Variants in WWP2 observed in about 807,000 individuals in gnomAD.
The protein encoded by WWP2 is NEDD4-like E3 ubiquitin-protein ligase WWP2.
A neutral mutation model predicts 121.0 loss-of-function variants in WWP2; 57 were observed. The observed-to-expected ratio is 0.47, with a 90% CI of 0.38 to 0.59. The LOEUF is 0.59. Ranked by LOEUF, WWP2 falls within the 20% of genes least tolerant of loss-of-function variation. The probability of loss-of-function intolerance (pLI) is 0.00; values close to 1 mark genes in which losing one functional copy is unlikely to be tolerated. For synonymous variants in WWP2, 449 were observed against 441.3 expected (o/e 1.02, Z -0.22); for missense variants, 962 against 1,158.9 (o/e 0.83, Z 2.47).
chr16:69,937,306 C>T lies in WWP2; in HGVS notation c.2238+68C>T, dbSNP rs952571659. ...GGGCGATCCTGCTCTGTGATACGCTCACTGTGTACCCACAGACACTCAGCG... is the reference window on the plus strand; with the variant it reads ...GGGCGATCCTGCTCTGTGATACGCTTACTGTGTACCCACAGACACTCAGCG... On this transcript the variant is annotated intron_variant, in intron 20 of 23. Transcript: ENST00000359154. This position sits in a 1 kb window ranked among gnomAD's most constrained non-coding sequence, Gnocchi z 6.6. 2 of 1,586,046 alleles carry T rather than the reference C, an allele frequency of 1.3e-6. No individual in the cohort carries two copies. The highest frequency in any genetic ancestry group is 1.3e-5 in the African/African-American group (1 of 74,228).
At chr16:69,861,046 G>A (rs2057408221) in intron 6 of WWP2, among the ~76,000 whole-genome samples, 1 of 152,164 alleles carries the variant, frequency 6.6e-6, no homozygotes, top group Non-Finnish European at 1.5e-5. Flanking sequence ...ATTCCTTGGG[G>A]GCCAGCCCCA....
In WWP2 at chr16:69,887,950, A is replaced by T; in HGVS notation, c.704-89A>T. 2.7e-6 allele frequency: 4 copies of T among 1,481,034 alleles called. No individual in the cohort carries two copies. The East Asian group carries it at 9.1e-5, about 34-fold the overall frequency. 91.7% of individuals were successfully genotyped at this position (1,481,034 alleles called of 1,614,324 possible). On this transcript the variant is annotated intron_variant, in intron 7 of 23. Coordinates refer to ENST00000359154, the MANE Select transcript of WWP2 (RefSeq NM_001270454.2). ...CATGTAGTGTAACATTGTAGATACCATGTTAGCCTATTAAGTGAAAAACCT... is the reference window on the plus strand; with the variant it reads ...CATGTAGTGTAACATTGTAGATACCTTGTTAGCCTATTAAGTGAAAAACCT...
intron 1 of WWP2, chr16:69,782,887 T>C (rs2151787717): frequency 6.6e-6 from 1 of 152,282 alleles, no homozygotes; most frequent in Non-Finnish European, 1.5e-5. Flanking sequence ...CCCAGGCTGG[T>C]CTTGAATTCC....
In WWP2 at chr16:69,935,234, C is replaced by T. The variant is rs899146454; in HGVS notation, c.1843-619C>T. The stretch of plus-strand genomic sequence containing the variant: ...GGCTCCCCTCTTAGGAGGACCCAAG[C>T]GCCCCATGAGCCTGTGACTAAATAT... On this transcript the variant is annotated intron_variant, in intron 17 of 23. Coordinates refer to ENST00000359154, the MANE Select transcript of WWP2 (RefSeq NM_001270454.2). This position sits in a 1 kb window ranked among gnomAD's most constrained non-coding sequence, Gnocchi z 5.2. Among the ~76,000 whole-genome samples, 7 of 152,192 alleles carry T rather than the reference C, an allele frequency of 4.6e-5. No individual in the cohort carries two copies. Among genetic ancestry groups the T allele is most frequent in the African/African-American group, 1.4e-4 (6 of 41,452 alleles).
intron 4 of WWP2, among the ~76,000 whole-genome samples, chr16:69,803,008 T>C (rs1046691984): frequency 2.0e-5 from 3 of 152,152 alleles, no homozygotes; most frequent in African/African-American, 7.2e-5. Context: ...TTATGAGACC[T>C]GTACAATTTA....
At chr16:69,902,330 A>G (rs2058218064) in intron 8 of WWP2, among the ~76,000 whole-genome samples, 1 of 152,210 alleles carries the variant, frequency 6.6e-6, no homozygotes, top group East Asian at 1.9e-4. Context: ...TGGTTCATAT[A>G]CAACTGAACC....
intron 7 of WWP2, among the ~76,000 whole-genome samples, chr16:69,884,277 A>T (rs1228808612): frequency 2.6e-5 from 4 of 152,194 alleles, no homozygotes; most frequent in Middle Eastern, 3.4e-3. Flanking sequence ...AGCTTCGTTC[A>T]CCTCCCCTTT....
Position 69,888,064 on chromosome 16 carries a change from T to C in WWP2, c.729T>C (p.Thr243=), listed in dbSNP as rs769594193. The stretch of plus-strand genomic sequence containing the variant: ...TGAATGATGAACCCACAACAGCCAC[T>C]GATCCCGAAGAACCTTCCGTTGTTG... ...GTVNDEPTTA[T]DPEEPSVVGV... The change falls in exon 8 of 24, where the codon ACT becomes ACC. Residue 243 remains threonine (T), a synonymous_variant. Coordinates refer to ENST00000359154, the MANE Select transcript of WWP2 (RefSeq NM_001270454.2). 4 of 1,614,250 alleles carry C rather than the reference T, an allele frequency of 2.5e-6. No homozygotes were observed. The highest frequency in any genetic ancestry group is 3.4e-6 in the Non-Finnish European group (4 of 1,180,046).
rs142012831 is a variant in WWP2, at chr16:69,817,298, G to C, written c.340+18003G>C. Among the ~76,000 whole-genome samples, 358 of 152,236 alleles carry C rather than the reference G, an allele frequency of 2.4e-3. 5 individuals are homozygous for C. The highest frequency in any genetic ancestry group is 8.0e-3 in the African/African-American group (332 of 41,536). Reference sequence around the variant, plus strand: ...CAGTCTCATGCTGTCACCCAAGCTGGAGTGCAGTGGTGCGATGTTGGCTCA... The same window carrying C: ...CAGTCTCATGCTGTCACCCAAGCTGCAGTGCAGTGGTGCGATGTTGGCTCA... On this transcript the variant is annotated intron_variant, in intron 4 of 23. Coordinates refer to ENST00000359154, the MANE Select transcript of WWP2 (RefSeq NM_001270454.2).
At chr16:69,885,262 G>C (rs2057904873) in intron 7 of WWP2, among the ~76,000 whole-genome samples, 1 of 152,066 alleles carries the variant, frequency 6.6e-6, no homozygotes, top group Non-Finnish European at 1.5e-5. Flanking sequence ...TGAGTAAAAT[G>C]TATAGCTGTG....
At chr16:69,931,380 G>A in intron 14 of WWP2, 129 bp from the exon 15 acceptor site, 1 of 1,464,786 alleles carries the variant, frequency 6.8e-7, no homozygotes, top group South Asian at 1.2e-5. Context: ...TAGGAAGCTA[G>A]TTTTCATTCC....
intron 7 of WWP2, among the ~76,000 whole-genome samples, chr16:69,887,644 G>C (rs2057949004): frequency 6.6e-6 from 1 of 152,082 alleles, no homozygotes; most frequent in African/African-American, 2.4e-5. Context: ...GACCTCAAGT[G>C]ATCCGCCTGC....
At chr16:69,887,960 A>AT in intron 7 of WWP2, 79 bp from the exon 8 acceptor site, 2 of 1,534,648 alleles carry the variant, frequency 1.3e-6, no homozygotes, top group Middle Eastern at 1.7e-4. Flanking sequence ...ATGTTAGCCT[A>AT]TTAAGTGAAA....
At chr16:69,795,642 A>T (rs1183702658) in intron 2 of WWP2, among the ~76,000 whole-genome samples, 2 of 143,000 alleles carry the variant, frequency 1.4e-5, no homozygotes, top group African/African-American at 2.6e-5. Context: ...AAACTTAAAA[A>T]TAGGAGGTTT....
At chr16:69,798,093 CT>C (rs942663374) in intron 2 of WWP2, among the ~76,000 whole-genome samples, 10 of 152,112 alleles carry the variant, frequency 6.6e-5, no homozygotes, top group Admixed American at 6.6e-4. Context: ...CCTTAGCACT[CT>C]GTGATGTCTG....
chr16:69,801,230 T>TTA (rs1267133584), intron 4 of WWP2, among the ~76,000 whole-genome samples: 62 of 149,472 alleles, frequency 4.1e-4, no homozygotes, highest in Non-Finnish European at 4.9e-4. Context: ...ATTTTTATTT[T>TTA]TATATATATA....
chr16:69,893,203 A>G (rs192437973), intron 8 of WWP2, among the ~76,000 whole-genome samples: 1 of 152,308 alleles, frequency 6.6e-6, no homozygotes, highest in Admixed American at 6.5e-5. Flanking sequence ...CTGGTGGACA[A>G]GAAGAAGTGT....
rs2058692352 is a variant in WWP2, at chr16:69,930,182, G to A, written c.1369G>A (p.Glu457Lys). ...PPGWEMKYTS[E>K]GVRYFVDHNT... ...AGGATGGGAGATGAAATACACCAGCGAGGGGGTGCGATACTTTGTGGACCA... is the reference window on the plus strand; with the variant it reads ...AGGATGGGAGATGAAATACACCAGCAAGGGGGTGCGATACTTTGTGGACCA... Residue 457 changes from glutamate (E) to lysine (K), a missense_variant, in exon 13 of 24, where the codon GAG becomes AAG. By Grantham distance (56) the Glu-to-Lys change is moderately conservative. Coordinates refer to ENST00000359154, the MANE Select transcript of WWP2 (RefSeq NM_001270454.2). 3.7e-6 allele frequency: 6 copies of A among 1,613,952 alleles called. No homozygotes were observed. Among genetic ancestry groups the A allele is most frequent in the Admixed American group, 1.7e-5 (1 of 59,988 alleles).
intron 8 of WWP2, among the ~76,000 whole-genome samples, chr16:69,898,031 T>C: frequency 6.8e-6 from 1 of 147,170 alleles, no homozygotes; most frequent in Non-Finnish European, 1.5e-5. Flanking sequence ...TTCTTTCTTT[T>C]TTTTTTTTTT....
Sources: allele counts gnomAD v4.1 joint callset (sites outside exome capture counted in the v4.1 genomes callset), GRCh38; gene constraint gnomAD v4.1.1; non-coding constraint Gnocchi (gnomAD v3.1); transcripts MANE v1.5; gene names NCBI Gene and HGNC (gene_info 2026-07-23, HGNC 2026-07-21).